Variants in ARID1B observed in about 807,000 individuals in gnomAD.
ARID1B encodes AT-rich interaction domain 1B, also known as AT-rich interactive domain-containing protein 1B.
A neutral mutation model predicts 212.3 loss-of-function variants in ARID1B; 30 were observed. The observed-to-expected ratio is 0.14, with a 90% CI of 0.11 to 0.19. The LOEUF (loss-of-function observed/expected upper bound fraction) is 0.19, where lower values mean the gene tolerates loss of function less well. Ranked by LOEUF, ARID1B falls within the 10% of genes least tolerant of loss-of-function variation. The pLI is 1.00. For missense variants in ARID1B, 2,891 were observed against 3,204.0 expected (o/e 0.90, Z 2.36); for synonymous variants, 1,402 against 1,301.7 (o/e 1.08, Z -1.66).
chr6:156,806,759 CAG>C (rs1402016795), intron 1 of ARID1B, among the ~76,000 whole-genome samples: 1 of 152,144 alleles, frequency 6.6e-6, no homozygotes, highest in Non-Finnish European at 1.5e-5. Context: ...ACGTTTGGAT[CAG>C]GGGGTCAGCA....
chr6:156,897,255 C>CTTATTATTATTATTATTATTATTATTA (rs1367763317), intron 2 of ARID1B, among the ~76,000 whole-genome samples: 8 of 90,208 alleles, frequency 8.9e-5, no homozygotes, highest in Non-Finnish European at 1.7e-4. Flanking sequence ...TCTTCTTCTT[C>CTTATTATTATTATTATTATTATTATTA]TTCTTCTTCT....
At chr6:156,927,524 G>A (rs1317550122) in intron 3 of ARID1B, among the ~76,000 whole-genome samples, 2 of 152,032 alleles carry the variant, frequency 1.3e-5, no homozygotes, top group South Asian at 2.1e-4. Context: ...CCCCACCCCC[G>A]CTTCTGGTGG....
intron 1 of ARID1B, among the ~76,000 whole-genome samples, chr6:156,819,016 T>C (rs978917429): frequency 6.6e-6 from 1 of 152,014 alleles, no homozygotes; most frequent in Non-Finnish European, 1.5e-5. Flanking sequence ...TCTGAAATGA[T>C]AGTGGTAGTG....
At chr6:157,197,650 G>A (rs949964092) in intron 16 of ARID1B, among the ~76,000 whole-genome samples, 5 of 152,176 alleles carry the variant, frequency 3.3e-5, no homozygotes, top group African/African-American at 1.2e-4. Context: ...AACATTTAGT[G>A]TGCTGAATCA....
rs569994169 is a variant in ARID1B, at chr6:156,862,358, A to G, written c.1986+32937A>G. ...GGCTGAGAATCACAATTGTAGGCCTACAGTGGAAGCCACAGGAAGGGATGA... is the reference window on the plus strand; with the variant it reads ...GGCTGAGAATCACAATTGTAGGCCTGCAGTGGAAGCCACAGGAAGGGATGA... On this transcript the variant is annotated intron_variant, in intron 2 of 19. Transcript: ENST00000636930. Among the ~76,000 whole-genome samples, 354 of 152,332 alleles carry G rather than the reference A, an allele frequency of 2.3e-3. 1 individual carries two copies. Among genetic ancestry groups the G allele is most frequent in the Non-Finnish European group, 3.6e-3 (245 of 68,026 alleles).
At chr6:156,866,145 G>T (rs1432613906) in intron 2 of ARID1B, among the ~76,000 whole-genome samples, 2 of 152,160 alleles carry the variant, frequency 1.3e-5, no homozygotes. Flanking sequence ...CCAGCCTCAG[G>T]TTTACCACAG....
In ARID1B at chr6:157,190,170, C is replaced by CCA; in HGVS notation, c.4191_4192insCA (p.Tyr1398HisfsTer12). ...TGCCCGATGTGATGGGCAGGATGCC[C>CCA]TATGAGCCCAACAAGGACCCCTTTG... On this transcript the variant is annotated frameshift_variant, in exon 15 of 20. Coordinates refer to ENST00000636930, the MANE Select transcript of ARID1B (RefSeq NM_001374828.1). LOFTEE classifies it high-confidence loss of function. The surrounding 1 kb of genome is among the most constrained non-coding windows in gnomAD (Gnocchi z 4.6). The CCA allele has an allele frequency of 1.2e-6, 2 of 1,613,978 alleles. No homozygotes were observed. The highest frequency in any genetic ancestry group is 1.7e-6 in the Non-Finnish European group (2 of 1,179,978).
intron 4 of ARID1B, among the ~76,000 whole-genome samples, chr6:157,007,144 G>A (rs561057028): frequency 1.7e-4 from 26 of 152,304 alleles, no homozygotes; most frequent in Non-Finnish European, 2.9e-4. Flanking sequence ...AAACACCCCT[G>A]AAGGACTCAT....
intron 1 of ARID1B, among the ~76,000 whole-genome samples, chr6:156,820,044 T>C (rs1782244253): frequency 6.6e-6 from 1 of 151,568 alleles, no homozygotes; most frequent in Admixed American, 6.6e-5. Context: ...AATATCTGGG[T>C]GGATGGGGTG....
rs1233388351 is a variant in ARID1B at position 156,955,086 on chromosome 6, A to G, written c.2247+19510A>G. ...CTGCTCTGAAGGATACGTCTCATCC[A>G]TCCTGCACCTGAGCTCAAGTGCTCA... On this transcript the variant is annotated intron_variant, in intron 4 of 19. Transcript: ENST00000636930. The surrounding 1 kb of genome is among the most constrained non-coding windows in gnomAD (Gnocchi z 4.2). 1.3e-5 allele frequency among the ~76,000 whole-genome samples: 2 copies of G among 152,190 alleles called. No homozygotes were observed. The highest frequency in any genetic ancestry group is 2.9e-5 in the Non-Finnish European group (2 of 68,032).
chr6:157,198,787 T>C (rs1793914641), intron 16 of ARID1B, 24 bp from the exon 17 acceptor site: 1 of 1,581,058 alleles, frequency 6.3e-7, no homozygotes. Flanking sequence ...CTCAGTTAAG[T>C]TTTCTTTGAA....
rs1286047958 is a variant in ARID1B at position 157,207,139 on chromosome 6, G to A, written c.6367G>A (p.Asp2123Asn). The A allele has an allele frequency of 6.2e-7, 1 of 1,614,236 alleles. No homozygotes were observed. Among genetic ancestry groups the A allele is most frequent in the Non-Finnish European group, 8.5e-7 (1 of 1,180,048 alleles). ...ACCGCAGACCTATGAGAAAGAGGAG[G>A]ATGAGGACAAGGGGGTGGCCTGCAG... ...RAPQTYEKEE[D>N]EDKGVACSKD... Residue 2123 changes from aspartate (D) to asparagine (N), a missense_variant, in exon 20 of 20, where the codon GAT becomes AAT. This residue lies in a region of ARID1B where 41 missense variants were observed against 40.4 expected (regional missense o/e 1.01). Coordinates refer to ENST00000636930, the MANE Select transcript of ARID1B (RefSeq NM_001374828.1). The surrounding 1 kb of genome is among the most constrained non-coding windows in gnomAD (Gnocchi z 8.5).
chr6:157,202,530 GA>G (rs970984898), intron 18 of ARID1B, among the ~76,000 whole-genome samples: 1 of 151,438 alleles, frequency 6.6e-6, no homozygotes, highest in Non-Finnish European at 1.5e-5. Flanking sequence ...CTACTAAAAA[GA>G]AAAAAAATTA....
intron 2 of ARID1B, among the ~76,000 whole-genome samples, chr6:156,868,153 C>T (rs958135579): frequency 6.6e-6 from 1 of 152,146 alleles, no homozygotes; most frequent in African/African-American, 2.4e-5. Context: ...GATCAGTTTT[C>T]CACGTGGTCT....
At position 156,778,412 on chromosome 6, in the gene ARID1B, C is replaced by A; in HGVS notation, c.732C>A (p.Gly244=). 1 of 1,531,534 alleles carries A rather than the reference C, an allele frequency of 6.5e-7. No homozygotes were observed. Among genetic ancestry groups the A allele is most frequent in the Non-Finnish European group, 8.7e-7 (1 of 1,144,072 alleles). 94.9% of individuals were successfully genotyped at this position (1,531,534 alleles called of 1,614,324 possible). ...GPDMEQPQHG[G]AKDSAAGGQA... Reference sequence around the variant, plus strand: ...ACATGGAGCAGCCGCAACATGGAGGCGCCAAGGACAGTGCTGCGGGCGGCC... The same window carrying A: ...ACATGGAGCAGCCGCAACATGGAGGAGCCAAGGACAGTGCTGCGGGCGGCC... The change falls in exon 1 of 20, where the codon GGC becomes GGA. Residue 244 remains glycine (G), a synonymous_variant. Coordinates refer to ENST00000636930, the MANE Select transcript of ARID1B (RefSeq NM_001374828.1).
intron 4 of ARID1B, among the ~76,000 whole-genome samples, chr6:157,025,956 G>A (rs931348666): frequency 6.7e-6 from 1 of 150,044 alleles, no homozygotes; most frequent in Non-Finnish European, 1.5e-5. Context: ...GTGGAGTCTC[G>A]CCCTGTTGCC....
chr6:156,810,829 GT>G (rs1781505000), intron 1 of ARID1B, among the ~76,000 whole-genome samples: 3 of 152,194 alleles, frequency 2.0e-5, no homozygotes, highest in African/African-American at 7.2e-5. Flanking sequence ...TATATGAAAT[GT>G]GTATTATTTG....
chr6:156,803,147 G>A (rs999903132), intron 1 of ARID1B, among the ~76,000 whole-genome samples: 1 of 151,920 alleles, frequency 6.6e-6, no homozygotes, highest in African/African-American at 2.4e-5. Context: ...TCCAAGCAAC[G>A]ATGTTTTCTT....
intron 4 of ARID1B, among the ~76,000 whole-genome samples, chr6:157,061,698 C>CT (rs1399915708): frequency 6.6e-6 from 1 of 152,148 alleles, no homozygotes; most frequent in African/African-American, 2.4e-5. Context: ...TGAAATTTAA[C>CT]TGAGTTCCCA....
Sources: gnomAD v4.1 joint callset for allele counts (sites outside exome capture counted in the v4.1 genomes callset) on GRCh38, gnomAD v4.1.1 for gene constraint, gnomAD v4.1.1 regional missense constraint, Gnocchi (gnomAD v3.1) non-coding constraint, MANE v1.5 for transcripts, NCBI Gene and HGNC (gene_info 2026-07-23, HGNC 2026-07-21) for gene names.